The following MYRFL variants were observed in gnomAD, a reference collection of about 807,000 sequenced individuals.
The protein encoded by MYRFL is myelin regulatory factor like.
MYRFL carries 88 observed loss-of-function variants against 109.4 expected under a neutral mutation model. The observed-to-expected ratio is 0.80, with a 90% CI of 0.68 to 0.96. The LOEUF is 0.96. Among genes scored for constraint, MYRFL ranks in the 40% least tolerant of loss-of-function variants. The probability of loss-of-function intolerance (pLI) is 0.00; values close to 1 mark genes in which losing one functional copy is unlikely to be tolerated. For synonymous variants in MYRFL, 324 were observed against 320.9 expected (o/e 1.01, Z -0.10); for missense variants, 957 against 954.9 (o/e 1.00, Z -0.03).
In MYRFL at chr12:69,879,324, A is replaced by G. The variant is rs1885906440; in HGVS notation, c.335A>G (p.Gln112Arg). 1.4e-6 allele frequency: 1 copy of G among 702,744 alleles called. No homozygotes were observed. The highest frequency in any genetic ancestry group is 1.5e-5 in the South Asian group (1 of 67,606). 43.5% of individuals were successfully genotyped at this position (702,744 alleles called of 1,614,324 possible). A position where few individuals can be genotyped will look rare whatever the true frequency, so the allele number is the denominator to read the frequency against. The stretch of plus-strand genomic sequence containing the variant: ...ACCTCTGGAATGGGCGACTCCTGCC[A>G]AATCCACGGAGGCTTTCACAGCTGC... The part of the protein sequence containing the change: ...QSTSGMGDSC[Q>R]IHGGFHSCHS... The change falls in exon 4 of 25, where the codon CAA becomes CGA. Residue 112 changes from glutamine (Q) to arginine (R), a missense_variant. Gln to Arg is a conservative substitution (Grantham distance 43). Coordinates refer to ENST00000552032, the MANE Select transcript of MYRFL (RefSeq NM_182530.3).
intron 2 of MYRFL, among the ~76,000 whole-genome samples, chr12:69,856,741 A>T (rs1321744638): frequency 6.6e-6 from 1 of 151,976 alleles, no homozygotes; most frequent in Non-Finnish European, 1.5e-5. Context: ...ATTTTTAAAA[A>T]TTGAGTTTGT....
At chr12:69,880,121 C>G (rs1885969886) in intron 4 of MYRFL, 80 bp from the exon 5 acceptor site, 1 of 665,592 alleles carries the variant, frequency 1.5e-6, no homozygotes, top group South Asian at 1.7e-5. Flanking sequence ...AAGCAGAGAG[C>G]CTGGGAGATT....
At chr12:69,852,798 C>T (rs1335022750) in intron 1 of MYRFL, among the ~76,000 whole-genome samples, 1 of 151,832 alleles carries the variant, frequency 6.6e-6, no homozygotes. Flanking sequence ...TCTTAACGAG[C>T]GTGCTGCCTT....
chr12:69,895,401 A>T lies in MYRFL; in HGVS notation c.1011A>T (p.Lys337Asn). 6.5e-7 allele frequency: 1 copy of T among 1,535,736 alleles called. No homozygotes were observed. Among genetic ancestry groups the T allele is most frequent in the East Asian group, 2.4e-5 (1 of 40,910 alleles). The change falls in exon 9 of 25, where the codon AAA becomes AAT. Residue 337 changes from lysine to asparagine, a missense_variant. Lys to Asn is a moderately conservative substitution (Grantham distance 94, BLOSUM62 0). Coordinates refer to ENST00000552032, the MANE Select transcript of MYRFL (RefSeq NM_182530.3). The stretch of plus-strand genomic sequence containing the variant: ...ACCTACTGGCTGACCAGGTCACCAA[A>T]GTAACACTGGGACGATTACACTTCA... ...KIDLLADQVT[K>N]VTLGRLHFSE...
In MYRFL at chr12:69,890,898, A is replaced by G. The variant is rs538876996; in HGVS notation, c.708-73A>G. 554 of 1,199,116 alleles carry G rather than the reference A, an allele frequency of 4.6e-4. 1 individual carries two copies. Among genetic ancestry groups the G allele is most frequent in the Non-Finnish European group, 5.9e-4 (540 of 917,084 alleles). The allele number at this position is 1,199,116 out of a possible 1,614,324, so 74.3% of individuals were successfully genotyped here. On this transcript the variant is annotated intron_variant, in intron 6 of 24. Coordinates refer to ENST00000552032, the MANE Select transcript of MYRFL (RefSeq NM_182530.3). ...GTACGTTTTCTTGAAATGTTTATAC[A>G]ACTAATACTGTTAATGAAAATAAAT...
chr12:69,897,647 T>C (rs915260998), intron 10 of MYRFL, among the ~76,000 whole-genome samples: 2 of 152,252 alleles, frequency 1.3e-5, no homozygotes, highest in African/African-American at 4.8e-5. Flanking sequence ...TCATTTTACA[T>C]TGTTATACTT....
intron 19 of MYRFL, among the ~76,000 whole-genome samples, chr12:69,945,893 A>G (rs1955820181): frequency 7.1e-6 from 1 of 140,434 alleles, no homozygotes. Flanking sequence ...AGGCTGAGGC[A>G]GGAGAATGGC....
chr12:69,903,555 A>T, intron 10 of MYRFL, 89 bp from the exon 11 acceptor site: 1 of 1,286,782 alleles, frequency 7.8e-7, no homozygotes, highest in South Asian at 1.4e-5. Flanking sequence ...CTTAGATAAT[A>T]TTCAGTTTGC....
intron 15 of MYRFL, among the ~76,000 whole-genome samples, chr12:69,929,666 A>G (rs1229408325): frequency 6.6e-6 from 1 of 152,218 alleles, no homozygotes; most frequent in Admixed American, 6.5e-5. Context: ...CCCTTCTTTA[A>G]AAACAGATAG....
chr12:69,935,063 A>ACT (rs1383853157), intron 16 of MYRFL, among the ~76,000 whole-genome samples: 1 of 151,750 alleles, frequency 6.6e-6, no homozygotes, highest in African/African-American at 2.4e-5. Context: ...GACACTATAA[A>ACT]CTCTCTCTGA....
intron 1 of MYRFL, among the ~76,000 whole-genome samples, chr12:69,827,121 C>T (rs1882330060): frequency 6.6e-6 from 1 of 151,924 alleles, no homozygotes; most frequent in African/African-American, 2.4e-5. Flanking sequence ...TTAACTGTTT[C>T]TAATCAAACA....
intron 5 of MYRFL, among the ~76,000 whole-genome samples, chr12:69,881,493 T>C (rs538397804): frequency 6.6e-6 from 1 of 152,312 alleles, no homozygotes; most frequent in Admixed American, 6.5e-5. Flanking sequence ...AAACACAGTC[T>C]CTCTTGCTGG....
chr12:69,828,124 G>A (rs1592668434), intron 1 of MYRFL, among the ~76,000 whole-genome samples: 1 of 152,066 alleles, frequency 6.6e-6, no homozygotes, highest in South Asian at 2.1e-4. Context: ...TTTTGACATG[G>A]ATTGAAAGGA....
chr12:69,864,682 C>G (rs976623552), intron 2 of MYRFL, among the ~76,000 whole-genome samples: 17 of 127,240 alleles, frequency 1.3e-4, no homozygotes, highest in African/African-American at 5.0e-4. Flanking sequence ...CACACACACA[C>G]ACACACAGAG....
intron 19 of MYRFL, among the ~76,000 whole-genome samples, chr12:69,938,198 A>G (rs1955528975): frequency 6.6e-6 from 1 of 152,258 alleles, no homozygotes; most frequent in Non-Finnish European, 1.5e-5. Context: ...GAACTATCAC[A>G]GAAATCCCCA....
intron 2 of MYRFL, among the ~76,000 whole-genome samples, chr12:69,867,638 T>A (rs553689791): frequency 6.6e-6 from 1 of 152,330 alleles, no homozygotes; most frequent in Admixed American, 6.5e-5. Context: ...ATTATGGGTT[T>A]AACTTAGGAC....
At chr12:69,875,847 G>T (rs1885630924) in intron 2 of MYRFL, among the ~76,000 whole-genome samples, 1 of 152,212 alleles carries the variant, frequency 6.6e-6, no homozygotes, top group African/African-American at 2.4e-5. Flanking sequence ...GTTGGGGATT[G>T]CTGTTGTAGA....
At chr12:69,885,382 G>T (rs1886384754) in intron 5 of MYRFL, among the ~76,000 whole-genome samples, 1 of 151,860 alleles carries the variant, frequency 6.6e-6, no homozygotes. Context: ...ATTTTAGGAA[G>T]TCCTCAATGG....
chr12:69,887,035 TCA>T, intron 6 of MYRFL, 65 bp downstream of exon 6: 1 of 1,494,150 alleles, frequency 6.7e-7, no homozygotes, highest in Non-Finnish European at 8.9e-7. Flanking sequence ...AGTACTGAGT[TCA>T]AGCACTGGAG....
Sources: gnomAD v4.1 joint callset for allele counts (sites outside exome capture counted in the v4.1 genomes callset) on GRCh38, gnomAD v4.1.1 for gene constraint, MANE v1.5 for transcripts, NCBI Gene and HGNC (gene_info 2026-07-23, HGNC 2026-07-21) for gene names.